Variants in SRSF3 observed in about 807,000 individuals in gnomAD.
The protein encoded by SRSF3 is serine/arginine-rich splicing factor 3.
For missense variants in SRSF3, 58 were observed against 217.1 expected (o/e 0.27, Z 4.61); for synonymous variants, 87 against 73.6 (o/e 1.18, Z -0.93).
At chr6:36,599,742 A>G (rs1582512933) in intron 3 of SRSF3, 3 of 1,079,942 alleles carry the variant, frequency 2.8e-6, no homozygotes, top group Non-Finnish European at 3.8e-6. Context: ...TAGCTAATAG[A>G]TGGTTGTACT....
intron 2 of SRSF3, chr6:36,597,271 G>T: frequency 2.7e-6 from 1 of 363,830 alleles, no homozygotes; most frequent in Non-Finnish European, 5.1e-6. Context: ...ATGCGGGGCT[G>T]ATTTTTGTAT....
At chr6:36,596,193 G>A (rs1778624374) in intron 1 of SRSF3, among the ~76,000 whole-genome samples, 2 of 152,128 alleles carry the variant, frequency 1.3e-5, no homozygotes, top group South Asian at 4.1e-4. Context: ...AAAGTTCTGG[G>A]ATTGCAGGTG....
intron 3 of SRSF3, chr6:36,599,740 A>G: frequency 9.4e-7 from 1 of 1,062,518 alleles, no homozygotes; most frequent in Non-Finnish European, 1.3e-6. Flanking sequence ...GTTAGCTAAT[A>G]GATGGTTGTA....
chr6:36,603,701 G>C lies in SRSF3; in HGVS notation c.*1712G>C, dbSNP rs187877636. ...TATTTACTGAGAGCTCTGGCATTGG[G>C]CATTTTGTCTTTAGTATTCTCACAT... On this transcript the variant is annotated 3_prime_UTR_variant, in exon 6 of 6. Transcript: ENST00000373715. 4.3e-6 allele frequency: 1 copy of C among 230,358 alleles called. No homozygotes were observed. Among genetic ancestry groups the C allele is most frequent in the East Asian group, 6.2e-5 (1 of 16,146 alleles). The allele number at this position is 230,358 out of a possible 1,614,324, so 14.3% of individuals were successfully genotyped here. A position where few individuals can be genotyped will look rare whatever the true frequency, so the allele number is the denominator to read the frequency against.
rs1778731678 is a variant in SRSF3, at chr6:36,602,349, C to G, written c.*360C>G. Reference sequence around the variant, plus strand: ...ACAGAAACAACTGGCAAAAATTGAACTAAGATTTACTTTTTTTTCCATAGC... The same window carrying G: ...ACAGAAACAACTGGCAAAAATTGAAGTAAGATTTACTTTTTTTTCCATAGC... On this transcript the variant is annotated 3_prime_UTR_variant, in exon 6 of 6. Transcript: ENST00000373715. 1 of 269,498 alleles carries G rather than the reference C, an allele frequency of 3.7e-6. No individual in the cohort carries two copies. The highest frequency in any genetic ancestry group is 5.3e-5 in the Admixed American group (1 of 19,010). 16.7% of individuals were successfully genotyped at this position (269,498 alleles called of 1,614,324 possible). A position where few individuals can be genotyped will look rare whatever the true frequency, so the allele number is the denominator to read the frequency against.
At chr6:36,600,227 A>G in intron 3 of SRSF3, 1 of 1,057,310 alleles carries the variant, frequency 9.5e-7, no homozygotes, top group Non-Finnish European at 1.1e-6. Context: ...CCTGGCCGTC[A>G]GTCCGGCAGC....
rs1442706787 is a variant in SRSF3 at position 36,605,348 on chromosome 6, G to T, written c.*3359G>T. On this transcript the variant is annotated 3_prime_UTR_variant, in exon 6 of 6. Coordinates refer to ENST00000373715, the MANE Select transcript of SRSF3 (RefSeq NM_003017.5). ...CTACTAACAGTACAAAAATTAGCTG[G>T]GTGTGGTGGCAGGCGCCTATAATGC... The T allele has an allele frequency of 2.6e-5, 4 of 152,050 alleles. No homozygotes were observed. The highest frequency in any genetic ancestry group is 4.4e-5 in the Non-Finnish European group (3 of 68,024). The allele number at this position is 152,050 out of a possible 1,614,324, so 9.4% of individuals were successfully genotyped here.
At position 36,603,130 on chromosome 6, in the gene SRSF3, C is replaced by G. The variant is rs1255108847; in HGVS notation, c.*1141C>G. On this transcript the variant is annotated 3_prime_UTR_variant, in exon 6 of 6. Coordinates refer to ENST00000373715, the MANE Select transcript of SRSF3 (RefSeq NM_003017.5). The stretch of plus-strand genomic sequence containing the variant: ...GTTCAGGGTCCATAATATTTAGTGA[C>G]CAACATTTTAAAGTATAGCAGCAAC... 1.3e-5 allele frequency: 3 copies of G among 222,650 alleles called. No individual in the cohort carries two copies. The highest frequency in any genetic ancestry group is 6.5e-5 in the East Asian group (1 of 15,280). The allele number at this position is 222,650 out of a possible 1,614,324, so 13.8% of individuals were successfully genotyped here. A position where few individuals can be genotyped will look rare whatever the true frequency, so the allele number is the denominator to read the frequency against.
intron 3 of SRSF3, chr6:36,599,923 G>GA (rs1683450815): frequency 7.4e-7 from 1 of 1,347,898 alleles, no homozygotes; most frequent in African/African-American, 1.5e-5. Context: ...AGCTTGGCTG[G>GA]TGTCGTTTCA....
Position 36,601,179 on chromosome 6 carries a change from C to T in SRSF3, c.369C>T (p.Arg123=), listed in dbSNP as rs1449793160. The change falls in exon 4 of 6, where the codon CGC becomes CGT. Residue 123 remains arginine (R), a synonymous_variant. Transcript: ENST00000373715. ...RRSPRRRSFS[R]SRSRSLSRDR... Reference sequence around the variant, plus strand: ...CTCCAAGAAGGAGAAGCTTCTCTCGCAGCCGGAGCAGGTAAATGACTACCT... The same window carrying T: ...CTCCAAGAAGGAGAAGCTTCTCTCGTAGCCGGAGCAGGTAAATGACTACCT... The T allele has an allele frequency of 2.5e-6, 4 of 1,613,514 alleles. No homozygotes were observed. Among genetic ancestry groups the T allele is most frequent in the East Asian group, 2.2e-5 (1 of 44,872 alleles).
At chr6:36,595,884 A>G (rs1218686123) in intron 1 of SRSF3, among the ~76,000 whole-genome samples, 1 of 152,094 alleles carries the variant, frequency 6.6e-6, no homozygotes, top group African/African-American at 2.4e-5. Context: ...CCTTGTTCCT[A>G]TAGTTCCAAA....
rs749921301 is a variant in SRSF3, at chr6:36,603,363, C to T, written c.*1374C>T. ...GAATATGGAGGCATGCATAACCTTCCTCTTAGAAAATGGCAGGTGTTGTAA... is the reference window on the plus strand; with the variant it reads ...GAATATGGAGGCATGCATAACCTTCTTCTTAGAAAATGGCAGGTGTTGTAA... On this transcript the variant is annotated 3_prime_UTR_variant, in exon 6 of 6. Coordinates refer to ENST00000373715, the MANE Select transcript of SRSF3 (RefSeq NM_003017.5). The T allele has an allele frequency of 3.6e-5, 8 of 224,446 alleles. No homozygotes were observed. The highest frequency in any genetic ancestry group is 6.2e-5 in the Non-Finnish European group (7 of 112,406). The allele number at this position is 224,446 out of a possible 1,614,324, so 13.9% of individuals were successfully genotyped here.
At chr6:36,599,218 T>G (rs1232294531) in intron 3 of SRSF3, among the ~76,000 whole-genome samples, 1 of 152,224 alleles carries the variant, frequency 6.6e-6, no homozygotes, top group African/African-American at 2.4e-5. Context: ...GTCTTCTAGT[T>G]CATCTTTCTA....
chr6:36,600,178 C>G (rs969403209), intron 3 of SRSF3: 2 of 1,074,116 alleles, frequency 1.9e-6, no homozygotes. Flanking sequence ...CCAACTAAAT[C>G]CAACGCAACA....
chr6:36,599,666 C>G, intron 3 of SRSF3: 1 of 524,280 alleles, frequency 1.9e-6, no homozygotes, highest in Non-Finnish European at 3.3e-6. Context: ...AGTTCAAAAT[C>G]TTGCCCCTTT....
chr6:36,602,230 A>G lies in SRSF3; in HGVS notation c.*241A>G, dbSNP rs1402134871. On this transcript the variant is annotated 3_prime_UTR_variant, in exon 6 of 6. Coordinates refer to ENST00000373715, the MANE Select transcript of SRSF3 (RefSeq NM_003017.5). The stretch of plus-strand genomic sequence containing the variant: ...TTACTTTACAATGTTCCCTTAAGCA[A>G]AATTGAATTTGCTTTGAACTTTTAG... The G allele has an allele frequency of 5.5e-6, 4 of 729,688 alleles. No individual in the cohort carries two copies. Among genetic ancestry groups the G allele is most frequent in the East Asian group, 3.1e-5 (1 of 32,122 alleles). The allele number at this position is 729,688 out of a possible 1,614,324, so 45.2% of individuals were successfully genotyped here.
At chr6:36,597,080 T>A in intron 2 of SRSF3, 112 bp downstream of exon 2, 20 of 825,696 alleles carry the variant, frequency 2.4e-5, no homozygotes, top group Non-Finnish European at 3.6e-5. Flanking sequence ...AATTGTATCT[T>A]TAGATACAAT....
At position 36,598,947 on chromosome 6, in the gene SRSF3, AT is replaced by A; in HGVS notation, c.306del (p.Asp102GlufsTer91). Reference sequence around the variant, plus strand: ...CCCTCTTGGGGTCGTCGCCCTCGAGATGATTATCGTAGGAGGAGTCCTCCAC... The same window carrying A: ...CCCTCTTGGGGTCGTCGCCCTCGAGAGATTATCGTAGGAGGAGTCCTCCAC... ...PPPSWGRRPR[D>X]DYRRRSPPPR... On this transcript the variant is annotated frameshift_variant, in exon 3 of 6. Coordinates refer to ENST00000373715, the MANE Select transcript of SRSF3 (RefSeq NM_003017.5). LOFTEE classifies it high-confidence loss of function. 6.2e-7 allele frequency: 1 copy of A among 1,614,182 alleles called. No individual in the cohort carries two copies. Among genetic ancestry groups the A allele is most frequent in the Non-Finnish European group, 8.5e-7 (1 of 1,180,032 alleles).
chr6:36,598,093 G>A (rs951784398), intron 2 of SRSF3, among the ~76,000 whole-genome samples: 1 of 152,156 alleles, frequency 6.6e-6, no homozygotes, highest in Non-Finnish European at 1.5e-5. Context: ...TTTACTTGGA[G>A]TGGGGCAGGG....
Sources: allele counts gnomAD v4.1 joint callset (sites outside exome capture counted in the v4.1 genomes callset), GRCh38; gene constraint gnomAD v4.1.1; transcripts MANE v1.5; gene names NCBI Gene and HGNC (gene_info 2026-07-23, HGNC 2026-07-21).